APLF: variants seen among roughly 807,000 people sequenced by gnomAD.
APLF encodes aprataxin and PNK-like factor.
A neutral mutation model predicts 55.6 loss-of-function variants in APLF; 61 were observed. The observed-to-expected ratio is 1.10, with a 90% CI of 0.89 to 1.36. The LOEUF is 1.36. Among genes scored for constraint, APLF ranks in the 40% most tolerant of loss-of-function variants. The pLI is 0.00. For synonymous variants in APLF, 207 were observed against 214.8 expected, an observed-to-expected ratio of 0.96 and a Z score of 0.32; for missense variants, 611 against 602.5, an observed-to-expected ratio of 1.01 and a Z score of -0.15.
chr2:68,523,038 TAAAGTC>T (rs1012582310), intron 5 of APLF, among the ~76,000 whole-genome samples: 3 of 151,826 alleles, frequency 2.0e-5, no homozygotes, highest in African/African-American at 7.2e-5. Flanking sequence ...ACACTGTAAA[TAAAGTC>T]AGAGGCAAAT....
intron 3 of APLF, 102 bp downstream of exon 3, chr2:68,503,005 G>A: frequency 1.6e-6 from 2 of 1,249,144 alleles, no homozygotes; most frequent in Non-Finnish European, 2.2e-6. Context: ...TTAAACTGGA[G>A]ATAGAGTAGG....
intron 8 of APLF, among the ~76,000 whole-genome samples, chr2:68,558,087 TAA>T (rs1671063951): frequency 6.6e-6 from 1 of 152,178 alleles, no homozygotes; most frequent in African/African-American, 2.4e-5. Flanking sequence ...TAGTTTTACA[TAA>T]GACTCCGCTG....
intron 3 of APLF, among the ~76,000 whole-genome samples, chr2:68,506,965 A>T (rs902813812): frequency 1.3e-5 from 2 of 152,016 alleles, no homozygotes; most frequent in Non-Finnish European, 2.9e-5. Flanking sequence ...TAATGAAAGT[A>T]TAAAGACATG....
chr2:68,471,373 A>G (rs940478503), intron 1 of APLF, among the ~76,000 whole-genome samples: 1 of 152,208 alleles, frequency 6.6e-6, no homozygotes, highest in African/African-American at 2.4e-5. Flanking sequence ...AATATATACT[A>G]TGGTTGGATG....
intron 8 of APLF, among the ~76,000 whole-genome samples, chr2:68,556,964 A>G (rs1406641739): frequency 1.3e-5 from 2 of 152,188 alleles, no homozygotes; most frequent in South Asian, 2.1e-4. Context: ...GAGTAAATCA[A>G]TAATTTTTTA....
In APLF at chr2:68,480,164, T is replaced by G. The variant is rs536292180; in HGVS notation, c.97-10026T>G. ...ACCCCCATATTGTTAAAGTATCCTG[T>G]AAGTTTATTGAATTTGTTTATCAGT... On this transcript the variant is annotated intron_variant, in intron 1 of 9. Transcript: ENST00000303795. 5.9e-5 allele frequency among the ~76,000 whole-genome samples: 9 copies of G among 152,266 alleles called. No homozygotes were observed. In the South Asian group the frequency reaches 1.9e-3, roughly 32 times the overall value.
chr2:68,518,730 T>C (rs1301594780), intron 5 of APLF, among the ~76,000 whole-genome samples: 1 of 125,224 alleles, frequency 8.0e-6, no homozygotes, highest in Non-Finnish European at 1.6e-5. Context: ...ATCATTAATA[T>C]ATCATGAATA....
chr2:68,510,469 C>T (rs953648157), intron 3 of APLF, among the ~76,000 whole-genome samples: 8 of 151,730 alleles, frequency 5.3e-5, no homozygotes, highest in Admixed American at 2.0e-4. Flanking sequence ...AAATTAACAC[C>T]GCAATGAGAT....
chr2:68,503,737 G>A (rs191642525), intron 3 of APLF, among the ~76,000 whole-genome samples: 124 of 152,192 alleles, frequency 8.1e-4, no homozygotes, highest in Admixed American at 1.4e-3. Context: ...ATAGTCGAAT[G>A]CCTGTATTAG....
intron 8 of APLF, among the ~76,000 whole-genome samples, chr2:68,550,025 G>A (rs1670812530): frequency 6.6e-6 from 1 of 152,090 alleles, no homozygotes; most frequent in South Asian, 2.1e-4. Context: ...TGTCATTATT[G>A]AAAGTGGAAT....
intron 6 of APLF, among the ~76,000 whole-genome samples, chr2:68,532,547 G>T (rs1473369656): frequency 6.6e-6 from 1 of 152,138 alleles, no homozygotes. Context: ...AGGAAACTTG[G>T]CTTCAAATGT....
chr2:68,526,338 T>C, intron 6 of APLF, 96 bp downstream of exon 6: 1 of 1,454,552 alleles, frequency 6.9e-7, no homozygotes. Context: ...AAAACTGCCT[T>C]TTATTGTTGA....
chr2:68,544,638 C>G (rs1438493741), intron 7 of APLF, among the ~76,000 whole-genome samples: 4 of 152,028 alleles, frequency 2.6e-5, no homozygotes, highest in Non-Finnish European at 4.4e-5. Flanking sequence ...TAAACAAAAG[C>G]TCTCTGGAGT....
At chr2:68,518,725 T>G (rs867076376) in intron 5 of APLF, among the ~76,000 whole-genome samples, 52 of 125,364 alleles carry the variant, frequency 4.1e-4, no homozygotes, top group African/African-American at 9.5e-4. Flanking sequence ...AATATATCAT[T>G]AATATATCAT....
rs190534365 is a variant in APLF, at chr2:68,502,005, A to G, written c.169-726A>G. Among the ~76,000 whole-genome samples, 233 of 152,288 alleles carry G rather than the reference A, an allele frequency of 1.5e-3. 1 individual carries two copies. The highest frequency in any genetic ancestry group is 5.2e-3 in the African/African-American group (218 of 41,558). On this transcript the variant is annotated intron_variant, in intron 2 of 9. Transcript: ENST00000303795. ...GCTGCATCATAACGTGGTGGAAGGC[A>G]TTACATGGAGAGAGAGCATGCATGA...
chr2:68,557,134 CTG>C (rs1671039038), intron 8 of APLF, among the ~76,000 whole-genome samples: 1 of 152,158 alleles, frequency 6.6e-6, no homozygotes, highest in African/African-American at 2.4e-5. Flanking sequence ...ATACCAAAAT[CTG>C]GGGATGCTCA....
At chr2:68,556,854 A>G (rs940563760) in intron 8 of APLF, among the ~76,000 whole-genome samples, 4 of 152,176 alleles carry the variant, frequency 2.6e-5, no homozygotes, top group Non-Finnish European at 4.4e-5. Context: ...AAGTGCTCTC[A>G]GTGTAATACT....
intron 8 of APLF, among the ~76,000 whole-genome samples, chr2:68,561,289 T>C (rs1315617677): frequency 1.3e-5 from 2 of 152,134 alleles, no homozygotes; most frequent in Admixed American, 1.3e-4. Flanking sequence ...AGAGAGTTGG[T>C]TCAAAGGAGT....
intron 5 of APLF, among the ~76,000 whole-genome samples, chr2:68,519,226 CATAAT>C (rs1669816229): frequency 2.2e-5 from 3 of 137,348 alleles, no homozygotes; most frequent in Non-Finnish European, 3.1e-5. Context: ...ATATTTATTA[CATAAT>C]ATATTATATA....
Sources: allele counts gnomAD v4.1 joint callset (sites outside exome capture counted in the v4.1 genomes callset), GRCh38; gene constraint gnomAD v4.1.1; transcripts MANE v1.5; gene names NCBI Gene and HGNC (gene_info 2026-07-23, HGNC 2026-07-21).